Variants in PRTG observed in about 807,000 individuals in gnomAD.
The protein encoded by PRTG is immunoglobulin superfamily, DCC subclass, member 5.
PRTG carries 67 observed loss-of-function variants against 122.5 expected under a neutral mutation model. That is an observed-to-expected ratio of 0.55 (90% confidence interval 0.45 to 0.67). PRTG has a LOEUF of 0.67. Ranked by LOEUF, PRTG falls within the 30% of genes least tolerant of loss-of-function variation. PRTG has a pLI of 0.00. For missense variants in PRTG, 1,435 were observed against 1,415.4 expected, an observed-to-expected ratio of 1.01 and a Z score of -0.22; for synonymous variants, 554 against 501.1, an observed-to-expected ratio of 1.11 and a Z score of -1.41.
chr15:55,692,835 CTTTTT>C (rs774248341), intron 2 of PRTG, among the ~76,000 whole-genome samples: 6 of 74,950 alleles, frequency 8.0e-5, no homozygotes, highest in Admixed American at 2.2e-4. Flanking sequence ...AATGCAATCT[CTTTTT>C]TTTTTTTTTT....
intron 2 of PRTG, among the ~76,000 whole-genome samples, chr15:55,734,447 C>A (rs1238535020): frequency 6.6e-6 from 1 of 151,996 alleles, no homozygotes; most frequent in South Asian, 2.1e-4. Context: ...AAGAAGTAAG[C>A]TTTAAAAAGA....
Position 55,612,709 on chromosome 15 carries a change from TA to T in PRTG, c.*7302del, listed in dbSNP as rs2059125882. On this transcript the variant is annotated 3_prime_UTR_variant, in exon 20 of 20. Transcript: ENST00000389286. ...CTCTTTAAAAGCCAATATATATATA[TA>T]TATATATATATATATATATATATAT... The T allele has an allele frequency of 1.5e-3, 17 of 11,520 alleles. 1 individual carries two copies. The highest frequency in any genetic ancestry group is 9.7e-3 in the Admixed American group (5 of 514). The allele number at this position is 11,520 out of a possible 1,614,324, so 0.7% of individuals were successfully genotyped here.
At chr15:55,715,143 T>G (rs548427426) in intron 2 of PRTG, among the ~76,000 whole-genome samples, 25 of 152,256 alleles carry the variant, frequency 1.6e-4, no homozygotes, top group Non-Finnish European at 3.2e-4. Flanking sequence ...ATTGTTTAAT[T>G]AAGGCTACAA....
At chr15:55,629,835 T>C (rs961369145) in intron 15 of PRTG, among the ~76,000 whole-genome samples, 19 of 151,478 alleles carry the variant, frequency 1.3e-4, no homozygotes, top group Non-Finnish European at 2.5e-4. Context: ...TTTTTTTTTT[T>C]TGAGATGGAG....
intron 2 of PRTG, among the ~76,000 whole-genome samples, chr15:55,697,420 G>C (rs1403454188): frequency 1.3e-5 from 2 of 152,158 alleles, no homozygotes; most frequent in Non-Finnish European, 2.9e-5. Context: ...ACTCACATTA[G>C]AAAACTTTGC....
chr15:55,618,395 G>T lies in PRTG; in HGVS notation c.*1617C>A, dbSNP rs548021492. On this transcript the variant is annotated 3_prime_UTR_variant, in exon 20 of 20. Coordinates refer to ENST00000389286, the MANE Select transcript of PRTG (RefSeq NM_173814.6). ...AACCCATTATGATTCCTTTTAAAAT[G>T]AGAATCAAAAGTCACTTCCAGAAAA... The T allele has an allele frequency of 3.8e-4, 58 of 152,232 alleles. No homozygotes were observed. Among genetic ancestry groups the T allele is most frequent in the African/African-American group, 1.4e-3 (57 of 41,552 alleles). The allele number at this position is 152,232 out of a possible 1,614,324, so 9.4% of individuals were successfully genotyped here. A position where few individuals can be genotyped will look rare whatever the true frequency, so the allele number is the denominator to read the frequency against.
Position 55,677,862 on chromosome 15 carries a change from C to T in PRTG, c.1316G>A (p.Trp439Ter). The T allele has an allele frequency of 6.2e-7, 1 of 1,613,872 alleles. No individual in the cohort carries two copies. The highest frequency in any genetic ancestry group is 8.5e-7 in the Non-Finnish European group (1 of 1,179,846). ...GTCTGAATTATAAAGTGGCCTCTCC[C>T]AGGCTAAAAGAATGGCTGAGCTTGA... Reference protein sequence around the residue: ...TMSSSAILLAWERPLYNSDKV... With the variant: ...TMSSSAILLA The change falls in exon 8 of 20, where the codon TGG becomes TAG. Residue 439 changes from tryptophan to a stop codon, truncating the protein, a stop_gained. Transcript: ENST00000389286. LOFTEE classifies it high-confidence loss of function.
chr15:55,718,095 C>G (rs146860041), intron 2 of PRTG, among the ~76,000 whole-genome samples: 1 of 152,088 alleles, frequency 6.6e-6, no homozygotes, highest in Non-Finnish European at 1.5e-5. Context: ...ACTCTCTTCT[C>G]CAACCTCTCT....
intron 2 of PRTG, among the ~76,000 whole-genome samples, chr15:55,693,086 G>C (rs566338595): frequency 1.3e-5 from 2 of 151,864 alleles, no homozygotes; most frequent in East Asian, 3.9e-4. Flanking sequence ...CTGGCTTCAA[G>C]TGATCCACTG....
intron 11 of PRTG, among the ~76,000 whole-genome samples, chr15:55,642,401 G>A (rs2059296965): frequency 6.6e-6 from 1 of 151,764 alleles, no homozygotes; most frequent in East Asian, 1.9e-4. Context: ...TGGGTCACCC[G>A]AGGTCGGGAG....
chr15:55,642,379 G>A (rs1275194974), intron 11 of PRTG, among the ~76,000 whole-genome samples: 1 of 151,832 alleles, frequency 6.6e-6, no homozygotes, highest in Non-Finnish European at 1.5e-5. Context: ...CACTTTGGGA[G>A]GCCGAGGCGG....
chr15:55,625,131 AT>A (rs994462788), intron 17 of PRTG, among the ~76,000 whole-genome samples: 3 of 151,830 alleles, frequency 2.0e-5, no homozygotes, highest in African/African-American at 4.8e-5. Context: ...TTTGACGTTG[AT>A]TTTTTTTTAA....
At chr15:55,645,433 CAAAA>C (rs374791424) in intron 11 of PRTG, among the ~76,000 whole-genome samples, 1 of 18,954 alleles carries the variant, frequency 5.3e-5, no homozygotes, top group African/African-American at 1.1e-4. Context: ...AACTCCGTCT[CAAAA>C]AAAAAAAAAA....
chr15:55,698,230 T>G (rs2059642448), intron 2 of PRTG, among the ~76,000 whole-genome samples: 1 of 152,186 alleles, frequency 6.6e-6, no homozygotes, highest in South Asian at 2.1e-4. Flanking sequence ...AGCATCTAGA[T>G]CTCAGGCCAA....
At chr15:55,641,351 C>A in intron 11 of PRTG, 143 bp from the exon 12 acceptor site, 2 of 604,450 alleles carry the variant, frequency 3.3e-6, no homozygotes, top group Non-Finnish European at 5.9e-6. Context: ...TGCTCATTGA[C>A]TCAGCAATCC....
intron 2 of PRTG, among the ~76,000 whole-genome samples, chr15:55,714,609 C>T (rs1441480668): frequency 6.6e-6 from 1 of 151,986 alleles, no homozygotes; most frequent in Non-Finnish European, 1.5e-5. Context: ...ACTATTTCCC[C>T]TCCTTATGCA....
intron 2 of PRTG, among the ~76,000 whole-genome samples, chr15:55,704,567 T>G (rs2030017229): frequency 6.6e-6 from 1 of 152,204 alleles, no homozygotes; most frequent in African/African-American, 2.4e-5. Context: ...AATCATAAAA[T>G]CCTTGGTTCT....
intron 2 of PRTG, among the ~76,000 whole-genome samples, chr15:55,733,442 G>A (rs1344730840): frequency 2.0e-5 from 3 of 151,500 alleles, no homozygotes; most frequent in African/African-American, 4.9e-5. Flanking sequence ...ACCCACAGGC[G>A]GAGGTTGTGG....
At chr15:55,727,534 G>A (rs574432301) in intron 2 of PRTG, among the ~76,000 whole-genome samples, 4 of 152,130 alleles carry the variant, frequency 2.6e-5, no homozygotes, top group African/African-American at 7.2e-5. Flanking sequence ...GGTGGCTCAC[G>A]CCTGTAATCC....
Sources: allele counts gnomAD v4.1 joint callset (sites outside exome capture counted in the v4.1 genomes callset), GRCh38; gene constraint gnomAD v4.1.1; transcripts MANE v1.5; gene names NCBI Gene and HGNC (gene_info 2026-07-23, HGNC 2026-07-21).